ARGFX: variants seen among roughly 807,000 people sequenced by gnomAD.
ARGFX encodes the protein arginine-fifty homeobox.
Under a neutral mutation model 8.0 loss-of-function variants are expected in ARGFX, and 10 were observed. That is an observed-to-expected ratio of 1.25 (90% CI 0.77 to 2.12). The LOEUF is 2.12. Among genes scored for constraint, ARGFX ranks in the 30% most tolerant of loss-of-function variants. The pLI is 0.00. For synonymous variants in ARGFX, 116 were observed against 117.8 expected (o/e 0.98, Z 0.10); for missense variants, 282 against 324.3 (o/e 0.87, Z 1.00).
intron 3 of ARGFX, among the ~76,000 whole-genome samples, chr3:121,579,999 C>T (rs1422613872): frequency 8.3e-6 from 1 of 121,156 alleles, no homozygotes; most frequent in Non-Finnish European, 1.6e-5. Flanking sequence ...GTTATCCAAG[C>T]TGGAGTGCAG....
chr3:121,574,546 A>C (rs1286410378), intron 2 of ARGFX, among the ~76,000 whole-genome samples: 1 of 152,248 alleles, frequency 6.6e-6, no homozygotes, highest in African/African-American at 2.4e-5. Context: ...GCAGTGCACA[A>C]TAGGATTCAT....
In ARGFX at chr3:121,589,712, C is replaced by T. The variant is rs544689966; in HGVS notation, c.*3112C>T. On this transcript the variant is annotated 3_prime_UTR_variant, in exon 5 of 5. Coordinates refer to ENST00000334384, the MANE Select transcript of ARGFX (RefSeq NM_001012659.2). ...TTTAGAAATGAAGTATATTAGACAA[C>T]AACAAAAGGAACAACTAACCTGAAA... Among the ~76,000 whole-genome samples the T allele has an allele frequency of 1.3e-5, 2 of 151,936 alleles. No individual in the cohort carries two copies. Among genetic ancestry groups the T allele is most frequent in the Non-Finnish European group, 1.5e-5 (1 of 67,986 alleles).
rs1343474885 is a variant in ARGFX at position 121,588,063 on chromosome 3, C to G, written c.*1463C>G. Among the ~76,000 whole-genome samples, 4 of 151,812 alleles carry G rather than the reference C, an allele frequency of 2.6e-5. No homozygotes were observed. The highest frequency in any genetic ancestry group is 5.9e-5 in the Non-Finnish European group (4 of 67,960). ...AGATTTTTGAAGGTGAGATGATAAA[C>G]TTGCAAAACTCACAAAATAAAGAGT... On this transcript the variant is annotated 3_prime_UTR_variant, in exon 5 of 5. Transcript: ENST00000334384.
chr3:121,584,322 T>G (rs1014236518), intron 3 of ARGFX, among the ~76,000 whole-genome samples: 2 of 151,550 alleles, frequency 1.3e-5, no homozygotes, highest in Non-Finnish European at 2.9e-5. Context: ...ATTTGCCAGA[T>G]GAGATGGACT....
At position 121,589,470 on chromosome 3, in the gene ARGFX, T is replaced by C. The variant is rs2048833220; in HGVS notation, c.*2870T>C. On this transcript the variant is annotated 3_prime_UTR_variant, in exon 5 of 5. Transcript: ENST00000334384. ...TCGGCTCACTGCAACCTCCGCCTCC[T>C]GGGTCAAATGATTCTCCTGCTTTAG... 8.8e-6 allele frequency among the ~76,000 whole-genome samples: 1 copy of C among 114,122 alleles called. No homozygotes were observed. Among genetic ancestry groups the C allele is most frequent in the African/African-American group, 2.9e-5 (1 of 34,432 alleles). 74.9% of individuals were successfully genotyped at this position (114,122 alleles called of 152,430 possible).
chr3:121,570,912 T>G, intron 2 of ARGFX, 96 bp downstream of exon 2: 2 of 820,690 alleles, frequency 2.4e-6, no homozygotes, highest in Non-Finnish European at 3.6e-6. Flanking sequence ...AGGCAGCTAT[T>G]GATTGTTTTA....
intron 2 of ARGFX, among the ~76,000 whole-genome samples, chr3:121,576,578 C>G (rs1354753448): frequency 1.3e-5 from 2 of 152,078 alleles, no homozygotes; most frequent in African/African-American, 4.8e-5. Context: ...ACCTTGTGAT[C>G]TAGCCGCCTC....
chr3:121,573,458 CAGAG>C (rs1223748220), intron 2 of ARGFX, among the ~76,000 whole-genome samples: 3 of 149,586 alleles, frequency 2.0e-5, no homozygotes, highest in African/African-American at 7.4e-5. Context: ...GCTTGGATGA[CAGAG>C]AGAGAGAGAC....
At chr3:121,582,349 G>A (rs2048784657) in intron 3 of ARGFX, among the ~76,000 whole-genome samples, 1 of 152,052 alleles carries the variant, frequency 6.6e-6, no homozygotes, top group South Asian at 2.1e-4. Flanking sequence ...GTAAAACGAT[G>A]TTATTTAATT....
In ARGFX at chr3:121,589,059, C is replaced by A. The variant is rs1252311757; in HGVS notation, c.*2459C>A. On this transcript the variant is annotated 3_prime_UTR_variant, in exon 5 of 5. Transcript: ENST00000334384. ...GCATGACGGCCAGAGCCCATGGTCCCAGCTACTCGAGAGGCTGAGGTAAGA... is the reference window on the plus strand; with the variant it reads ...GCATGACGGCCAGAGCCCATGGTCCAAGCTACTCGAGAGGCTGAGGTAAGA... Among the ~76,000 whole-genome samples the A allele has an allele frequency of 6.6e-6, 1 of 152,112 alleles. No individual in the cohort carries two copies. Among genetic ancestry groups the A allele is most frequent in the Non-Finnish European group, 1.5e-5 (1 of 68,024 alleles).
In ARGFX at chr3:121,589,396, A is replaced by G. The variant is rs980700958; in HGVS notation, c.*2796A>G. Among the ~76,000 whole-genome samples, 4 of 152,028 alleles carry G rather than the reference A, an allele frequency of 2.6e-5. No individual in the cohort carries two copies. Among genetic ancestry groups the G allele is most frequent in the Non-Finnish European group, 4.4e-5 (3 of 68,002 alleles). ...CTGTCAAATTAAACTTCAAGGCAAA[A>G]CTTTTTTATTGAGATGGAGTCTTGC... On this transcript the variant is annotated 3_prime_UTR_variant, in exon 5 of 5. Coordinates refer to ENST00000334384, the MANE Select transcript of ARGFX (RefSeq NM_001012659.2).
Position 121,569,601 on chromosome 3 carries a change from A to G in ARGFX, c.-12-1101A>G, listed in dbSNP as rs142134935. ...GGCTGGTCTCAAACTCCTGACCTCA[A>G]GTAATTCACCCTCCTCGGCCTTTCA... is the stretch of plus-strand genomic sequence containing the variant. On this transcript the variant is annotated intron_variant, in intron 1 of 4. Coordinates refer to ENST00000334384, the MANE Select transcript of ARGFX (RefSeq NM_001012659.2). Among the ~76,000 whole-genome samples, 978 of 152,240 alleles carry G rather than the reference A, an allele frequency of 6.4e-3. 14 individuals carry two copies. The highest frequency in any genetic ancestry group is 0.022 in the African/African-American group (919 of 41,542).
In ARGFX at chr3:121,584,949, T is replaced by C; in HGVS notation, c.253T>C (p.Phe85Leu). 6.2e-7 allele frequency: 1 copy of C among 1,613,872 alleles called. No homozygotes were observed. The highest frequency in any genetic ancestry group is 8.5e-7 in the Non-Finnish European group (1 of 1,179,974). The part of the protein sequence containing the change: ...IRRRHKERTS[F>L]THQQYEELEA... Reference sequence around the variant, plus strand: ...GAGAAGGCATAAAGAACGTACTTCTTTCACCCACCAACAGTATGAGGAGCT... The same window carrying C: ...GAGAAGGCATAAAGAACGTACTTCTCTCACCCACCAACAGTATGAGGAGCT... The change falls in exon 4 of 5, where the codon TTC (phenylalanine) becomes CTC (leucine). Residue 85 changes from phenylalanine to leucine, a missense_variant. Transcript: ENST00000334384.
intron 4 of ARGFX, 68 bp from the exon 5 acceptor site, chr3:121,585,954 C>T: frequency 2.1e-6 from 3 of 1,441,298 alleles, no homozygotes; most frequent in Non-Finnish European, 2.8e-6. Context: ...GCTGTTTTCA[C>T]TCAGGAGAAT....
At chr3:121,575,210 C>T (rs1473649838) in intron 2 of ARGFX, among the ~76,000 whole-genome samples, 4 of 151,920 alleles carry the variant, frequency 2.6e-5, no homozygotes, top group African/African-American at 4.8e-5. Flanking sequence ...GTCCCAGCTA[C>T]TCAGGAGGCT....
At chr3:121,580,714 C>T (rs1202371925) in intron 3 of ARGFX, among the ~76,000 whole-genome samples, 1 of 150,418 alleles carries the variant, frequency 6.6e-6, no homozygotes, top group African/African-American at 2.4e-5. Flanking sequence ...AAGTGATTCT[C>T]CTGCATCAGC....
chr3:121,586,342 C>T lies in ARGFX; in HGVS notation c.690C>T (p.Ile230=), dbSNP rs774717203. 7 of 1,614,218 alleles carry T rather than the reference C, an allele frequency of 4.3e-6. No homozygotes were observed. The South Asian group carries it at 7.7e-5, about 18-fold the overall frequency. Residue 230 remains isoleucine, a synonymous_variant, in exon 5 of 5, where the codon ATC becomes ATT. Transcript: ENST00000334384. ...CTGATGCCTATGACATATTCCAAAT[C>T]ATAGAACTGTACAATCTTCCTGATG... ...LYSDAYDIFQ[I]IELYNLPDEN... is the part of the protein sequence containing the mutation.
chr3:121,569,246 T>A (rs2108833065), intron 1 of ARGFX, among the ~76,000 whole-genome samples: 1 of 152,248 alleles, frequency 6.6e-6, no homozygotes, highest in South Asian at 2.1e-4. Flanking sequence ...CATACAGATA[T>A]GATGCTAGAA....
At chr3:121,572,243 T>TC (rs929544044) in intron 2 of ARGFX, among the ~76,000 whole-genome samples, 1 of 76,750 alleles carries the variant, frequency 1.3e-5, no homozygotes, top group African/African-American at 4.3e-5. Flanking sequence ...GTTGTTTTTT[T>TC]TTTTTTTTTT....
Sources: allele counts gnomAD v4.1 joint callset (sites outside exome capture counted in the v4.1 genomes callset), GRCh38; gene constraint gnomAD v4.1.1; transcripts MANE v1.5; gene names NCBI Gene and HGNC (gene_info 2026-07-23, HGNC 2026-07-21).